Variants in GOLGA6L9 observed in about 807,000 individuals in gnomAD.
GOLGA6L9 encodes golgin subfamily A member 6-like protein 9.
In GOLGA6L9, 19 loss-of-function variants were observed where a neutral mutation model predicts 51.3. The ratio of observed to expected loss-of-function variants is 0.37; its 90% CI spans 0.26 to 0.54. The LOEUF (loss-of-function observed/expected upper bound fraction) is 0.54. Among genes scored for constraint, GOLGA6L9 ranks in the 20% least tolerant of loss-of-function variants. The pLI is 0.83. For synonymous variants in GOLGA6L9, 97 were observed against 184.2 expected, an observed-to-expected ratio of 0.53 and a Z score of 3.83; for missense variants, 247 against 464.1, an observed-to-expected ratio of 0.53 and a Z score of 4.30.
At chr15:82,417,962 C>T in the GOLGA6L9 span, among the ~76,000 whole-genome samples, 1 of 152,090 alleles carries the variant, frequency 6.6e-6, no homozygotes, top group South Asian at 2.1e-4. Context: ...ATTTGTAATC[C>T]CATGATTCTT....
At position 82,436,537 on chromosome 15, in the gene GOLGA6L9, T is replaced by C. The variant is rs2031686293; in HGVS notation, c.*126T>C. The stretch of plus-strand genomic sequence containing the variant: ...GTGTTTCTAATTTATAGTTTAAATT[T>C]ATTTGTGTTTCTAATTTATAGTTTA... On this transcript the variant is annotated 3_prime_UTR_variant, in exon 9 of 9. Transcript: ENST00000618348. 1 of 1,277,350 alleles carries C rather than the reference T, an allele frequency of 7.8e-7. No individual in the cohort carries two copies. Among genetic ancestry groups the C allele is most frequent in the South Asian group, 1.5e-5 (1 of 67,262 alleles). 79.1% of individuals were successfully genotyped at this position (1,277,350 alleles called of 1,614,324 possible).
upstream of GOLGA6L9, among the ~76,000 whole-genome samples, chr15:82,429,571 G>C (rs1595948180): frequency 1.3e-5 from 2 of 152,038 alleles, no homozygotes; most frequent in East Asian, 1.9e-4. Context: ...CATTTTTATA[G>C]GGTCTATATC....
chr15:82,436,802 A>G lies in GOLGA6L9; in HGVS notation c.*391A>G, dbSNP rs1238061480. On this transcript the variant is annotated 3_prime_UTR_variant, in exon 9 of 9. Transcript: ENST00000618348. The stretch of plus-strand genomic sequence containing the variant: ...TGGGAGTTCAAACACACAAAGACCC[A>G]CTGTATGCACACAACTGTTCTTGCT... 1.8e-5 allele frequency: 3 copies of G among 168,652 alleles called. No homozygotes were observed. The highest frequency in any genetic ancestry group is 3.6e-5 in the Non-Finnish European group (3 of 83,428). 10.4% of individuals were successfully genotyped at this position (168,652 alleles called of 1,614,324 possible).
chr15:82,434,471 G>T lies in GOLGA6L9; in HGVS notation c.871G>T (p.Asp291Tyr). Residue 291 changes from aspartate (D) to tyrosine (Y), a missense_variant, in exon 6 of 9, where the codon GAT becomes TAT. Around this residue, in one of 9 missense-constraint regions of GOLGA6L9, gnomAD observed 35 missense variants for 86.2 expected, o/e 0.41. Transcript: ENST00000618348. ...GGAGCAGGAGAGGCTTCGGCAACAG[G>T]ATGAGAGGCTGTGGCAGCAGGAGAC... ...LLEQERLRQQDERLWQQETLR... is the reference protein window; with the variant it reads ...LLEQERLRQQYERLWQQETLR... 6.4e-7 allele frequency: 1 copy of T among 1,555,766 alleles called. No individual in the cohort carries two copies. Among genetic ancestry groups the T allele is most frequent in the Non-Finnish European group, 8.6e-7 (1 of 1,158,120 alleles).
rs2031466519 is a variant in GOLGA6L9 at position 82,432,819 on chromosome 15, C to T, written c.267C>T (p.Ser89=). ...ASSTTLQDLE[S]QYQELAVALD... ...CCTTCTCTCTGCATGCACCTCAGAG[C>T]CAGTACCAAGAACTAGCAGTAGCCC... The change falls in exon 4 of 9, where the codon AGC becomes AGT. Residue 89 remains serine, a splice_region_variant and synonymous_variant. Coordinates refer to ENST00000618348, the MANE Select transcript of GOLGA6L9 (RefSeq NM_198181.4). 1 of 1,612,216 alleles carries T rather than the reference C, an allele frequency of 6.2e-7. No individual in the cohort carries two copies. Among genetic ancestry groups the T allele is most frequent in the East Asian group, 2.2e-5 (1 of 44,862 alleles).
intron 3 of GOLGA6L9, 74 bp from the exon 4 acceptor site, chr15:82,432,743 C>G: frequency 6.4e-7 from 1 of 1,572,228 alleles, no homozygotes; most frequent in Non-Finnish European, 8.7e-7. Flanking sequence ...CACACCCCCA[C>G]CAGCCCTAAT....
In GOLGA6L9 at chr15:82,432,574, A is replaced by C; in HGVS notation, c.207A>C (p.Ser69=). 6.2e-7 allele frequency: 1 copy of C among 1,603,418 alleles called. No homozygotes were observed. Among genetic ancestry groups the C allele is most frequent in the Non-Finnish European group, 8.5e-7 (1 of 1,179,568 alleles). The part of the protein sequence containing the change: ...TSGGYHSPGD[S]ATGIYGEGRA... Reference sequence around the variant, plus strand: ...ATGTGCACTCTCATCTCTTGGAGTCAGCAACAGGTATCTACGGGGAGGGCC... The same window carrying C: ...ATGTGCACTCTCATCTCTTGGAGTCCGCAACAGGTATCTACGGGGAGGGCC... The change falls in exon 3 of 9, where the codon TCA becomes TCC. Residue 69 remains serine, a splice_region_variant and synonymous_variant. Coordinates refer to ENST00000618348, the MANE Select transcript of GOLGA6L9 (RefSeq NM_198181.4).
chr15:82,434,188 A>G lies in GOLGA6L9; in HGVS notation c.588A>G (p.Arg196=), dbSNP rs2031549277. The G allele has an allele frequency of 6.5e-7, 1 of 1,548,994 alleles. No individual in the cohort carries two copies. The highest frequency in any genetic ancestry group is 1.4e-5 in the African/African-American group (1 of 73,150). The change falls in exon 6 of 9, where the codon AGA becomes AGG. Residue 196 remains arginine (R), a synonymous_variant. Coordinates refer to ENST00000618348, the MANE Select transcript of GOLGA6L9 (RefSeq NM_198181.4). ...AGATGTTGAGTCTCCTGAACAGGAG[A>G]CAGGAGGAGAGGCTACGTGAACAGG... ...NNQMLSLLNR[R]QEERLREQEE...
rs1270471303 is a variant in GOLGA6L9 at position 82,432,003 on chromosome 15, G to A, written c.204+54G>A. 2,419 of 1,317,510 alleles carry A rather than the reference G, an allele frequency of 1.8e-3. 392 individuals are homozygous for A. The African/African-American group carries it at 0.026, about 14-fold the overall frequency. 81.6% of individuals were successfully genotyped at this position (1,317,510 alleles called of 1,614,324 possible). ...GACAGGGAGCCCAAGGGGCAGTAGA[G>A]GGTAATTGTTAAGATTGTAGATGGA... is the stretch of plus-strand genomic sequence containing the variant. On this transcript the variant is annotated intron_variant, in intron 2 of 8. Coordinates refer to ENST00000618348, the MANE Select transcript of GOLGA6L9 (RefSeq NM_198181.4).
In GOLGA6L9 at chr15:82,432,864, A is replaced by C; in HGVS notation, c.312A>C (p.Ile104=). The C allele has an allele frequency of 3.1e-6, 5 of 1,612,390 alleles. No homozygotes were observed. The highest frequency in any genetic ancestry group is 4.2e-6 in the Non-Finnish European group (5 of 1,179,744). Reference sequence around the variant, plus strand: ...TAGCCCTGGATTCAAGCTCCGCAATAATCAGTCAACTCACTGAAAACATCA... The same window carrying C: ...TAGCCCTGGATTCAAGCTCCGCAATCATCAGTCAACTCACTGAAAACATCA... ...LAVALDSSSA[I]ISQLTENINS... The change falls in exon 4 of 9, where the codon ATA becomes ATC. Residue 104 remains isoleucine, a synonymous_variant. Transcript: ENST00000618348.
Position 82,429,862 on chromosome 15 carries a change from G to A in GOLGA6L9, c.-218G>A, listed in dbSNP as rs1385351081. 6.6e-6 allele frequency among the ~76,000 whole-genome samples: 1 copy of A among 152,142 alleles called. No individual in the cohort carries two copies. Among genetic ancestry groups the A allele is most frequent in the Non-Finnish European group, 1.5e-5 (1 of 68,036 alleles). The stretch of plus-strand genomic sequence containing the variant: ...GGCGGGGACAGCGGTTGCATGGGCA[G>A]CTTTCCTTATGATGCTACAGGTCCC... On this transcript the variant is annotated 5_prime_UTR_variant, in exon 1 of 9. Coordinates refer to ENST00000618348, the MANE Select transcript of GOLGA6L9 (RefSeq NM_198181.4).
At chr15:82,418,041 T>C in the GOLGA6L9 span, among the ~76,000 whole-genome samples, 2 of 152,230 alleles carry the variant, frequency 1.3e-5, no homozygotes, top group Admixed American at 1.3e-4. Context: ...ACTTTCACTT[T>C]GAAAGCTCCC....
chr15:82,432,745 A>G, intron 3 of GOLGA6L9, 72 bp from the exon 4 acceptor site: 1 of 1,566,610 alleles, frequency 6.4e-7, no homozygotes. Context: ...CACCCCCACC[A>G]GCCCTAATGA....
the GOLGA6L9 span, among the ~76,000 whole-genome samples, chr15:82,416,870 G>A: frequency 1.3e-5 from 2 of 152,096 alleles, no homozygotes; most frequent in Admixed American, 6.6e-5. Flanking sequence ...TATATGATAA[G>A]TCTCACTCTT....
At chr15:82,417,596 C>A in the GOLGA6L9 span, among the ~76,000 whole-genome samples, 6 of 152,206 alleles carry the variant, frequency 3.9e-5, no homozygotes, top group East Asian at 1.2e-3. Context: ...AAACTTTCTT[C>A]CTACTTTCTG....
At chr15:82,420,656 A>C in the GOLGA6L9 span, among the ~76,000 whole-genome samples, 2 of 151,820 alleles carry the variant, frequency 1.3e-5, no homozygotes, top group Admixed American at 6.6e-5. Flanking sequence ...GATTGGAACC[A>C]GACAGTCTGA....
At chr15:82,432,774 C>T in intron 3 of GOLGA6L9, 43 bp from the exon 4 acceptor site, 2 of 1,525,134 alleles carry the variant, frequency 1.3e-6, no homozygotes, top group Non-Finnish European at 9.0e-7. Flanking sequence ...TCTACCCCTC[C>T]CCACAATCTT....
At chr15:82,427,418 C>T (rs1365051465), upstream of GOLGA6L9, among the ~76,000 whole-genome samples, 1 of 152,110 alleles carries the variant, frequency 6.6e-6, no homozygotes, top group African/African-American at 2.4e-5. Context: ...TCCTTCTTCC[C>T]TTTTTTTTCT....
At chr15:82,433,377 C>T (rs1234700310) in intron 4 of GOLGA6L9, among the ~76,000 whole-genome samples, 185 bp from the exon 5 acceptor site, 10 of 152,148 alleles carry the variant, frequency 6.6e-5, no homozygotes, top group South Asian at 4.1e-4. Context: ...CTGTCCTTTG[C>T]TGTTTTATAT....
Sources: allele counts gnomAD v4.1 joint callset (sites outside exome capture counted in the v4.1 genomes callset), GRCh38; gene constraint gnomAD v4.1.1; regional missense constraint gnomAD v4.1.1; transcripts MANE v1.5; gene names NCBI Gene and HGNC (gene_info 2026-07-23, HGNC 2026-07-21).